The following FRMD4A variants were observed in gnomAD, a reference collection of about 807,000 sequenced individuals.
The protein encoded by FRMD4A is FERM domain containing 4A.
A neutral mutation model predicts 129.1 loss-of-function variants in FRMD4A; 29 were observed. The ratio of observed to expected loss-of-function variants is 0.22; its 90% CI spans 0.17 to 0.31. The LOEUF is 0.31. Among genes scored for constraint, FRMD4A ranks in the 10% least tolerant of loss-of-function variants. The pLI is 1.00. For missense variants in FRMD4A, 1,272 were observed against 1,375.8 expected (o/e 0.92, Z 1.19); for synonymous variants, 634 against 571.6 (o/e 1.11, Z -1.56).
intron 2 of FRMD4A, among the ~76,000 whole-genome samples, chr10:14,056,107 C>T (rs1327196159): frequency 6.6e-6 from 1 of 152,174 alleles, no homozygotes; most frequent in Non-Finnish European, 1.5e-5. Context: ...TCTTGACTTA[C>T]TGCAACCTCC....
intron 2 of FRMD4A, among the ~76,000 whole-genome samples, chr10:13,863,811 C>G (rs2094326583): frequency 6.6e-6 from 1 of 151,510 alleles, no homozygotes; most frequent in South Asian, 2.1e-4. Context: ...AGATGAGTGA[C>G]CCTATTTGGA....
chr10:13,716,071 G>A (rs1423259670), intron 12 of FRMD4A, among the ~76,000 whole-genome samples: 1 of 152,108 alleles, frequency 6.6e-6, no homozygotes, highest in Non-Finnish European at 1.5e-5. Flanking sequence ...CAACTCATAT[G>A]GTGTCATGAG....
At chr10:13,886,788 G>A (rs947997895) in intron 2 of FRMD4A, among the ~76,000 whole-genome samples, 4 of 152,164 alleles carry the variant, frequency 2.6e-5, no homozygotes, top group Non-Finnish European at 1.5e-5. Context: ...CCATGTTGGA[G>A]TGCGGTCTGC....
chr10:13,775,819 G>A (rs993430485), intron 6 of FRMD4A, among the ~76,000 whole-genome samples: 7 of 152,168 alleles, frequency 4.6e-5, no homozygotes, highest in African/African-American at 7.2e-5. Flanking sequence ...ACTACCCGAC[G>A]TAGCTGGAAA....
chr10:13,806,251 A>G (rs1241694583), intron 4 of FRMD4A, among the ~76,000 whole-genome samples: 1 of 152,126 alleles, frequency 6.6e-6, no homozygotes, highest in East Asian at 1.9e-4. Context: ...TGGACTCCCA[A>G]ATTGCTGAAA....
chr10:14,181,975 G>A (rs760969186), intron 2 of FRMD4A, among the ~76,000 whole-genome samples: 10 of 152,232 alleles, frequency 6.6e-5, no homozygotes, highest in Non-Finnish European at 1.2e-4. Flanking sequence ...GATTACAGAC[G>A]TGAGCCACGG....
chr10:14,311,860 G>T (rs997240286), intron 2 of FRMD4A, among the ~76,000 whole-genome samples: 2 of 151,976 alleles, frequency 1.3e-5, no homozygotes, highest in Non-Finnish European at 2.9e-5. Flanking sequence ...CTGGCCTTTT[G>T]TTACTCAAGT....
At chr10:14,321,863 T>A (rs978801953) in intron 2 of FRMD4A, among the ~76,000 whole-genome samples, 1 of 152,090 alleles carries the variant, frequency 6.6e-6, no homozygotes, top group Non-Finnish European at 1.5e-5. Flanking sequence ...GATTGTATCA[T>A]GGGGGCGGAC....
At chr10:14,220,950 A>G (rs1843239348) in intron 2 of FRMD4A, among the ~76,000 whole-genome samples, 1 of 152,116 alleles carries the variant, frequency 6.6e-6, no homozygotes, top group Non-Finnish European at 1.5e-5. Flanking sequence ...ATTGAGGAGC[A>G]GGAACCTGAC....
At chr10:13,887,102 C>T (rs1031043624) in intron 2 of FRMD4A, among the ~76,000 whole-genome samples, 4 of 152,060 alleles carry the variant, frequency 2.6e-5, no homozygotes, top group Non-Finnish European at 4.4e-5. Context: ...GTGTAGAGAT[C>T]GCCCTTCCTA....
chr10:13,866,952 A>C (rs1283609996), intron 2 of FRMD4A, among the ~76,000 whole-genome samples: 1 of 152,216 alleles, frequency 6.6e-6, no homozygotes, highest in Non-Finnish European at 1.5e-5. Context: ...TGTCTCAAAA[A>C]ACAAACAATC....
In FRMD4A at chr10:13,656,700, G is replaced by C; in HGVS notation, c.2889C>G (p.Ser963=). 6.3e-7 allele frequency: 1 copy of C among 1,575,358 alleles called. No homozygotes were observed. The highest frequency in any genetic ancestry group is 8.6e-7 in the Non-Finnish European group (1 of 1,161,366). The change falls in exon 22 of 25, where the codon TCC becomes TCG. Residue 963 remains serine (S), a synonymous_variant. Transcript: ENST00000357447. ...SDSGSQYSTS[S]QSTFVAHSRV... Reference sequence around the variant, plus strand: ...TGCTGTGCGCCACGAAGGTGCTCTGGGAGGAGGTGCTGTACTGCGAGCCGC... The same window carrying C: ...TGCTGTGCGCCACGAAGGTGCTCTGCGAGGAGGTGCTGTACTGCGAGCCGC...
chr10:14,192,690 G>T (rs544442448), intron 2 of FRMD4A, among the ~76,000 whole-genome samples: 2 of 152,210 alleles, frequency 1.3e-5, no homozygotes, highest in Admixed American at 1.3e-4. Flanking sequence ...ATAAGCTCAA[G>T]TACATCAGTG....
At chr10:13,655,927 G>A (rs1006162435) in intron 22 of FRMD4A, 3 of 152,068 alleles carry the variant, frequency 2.0e-5, no homozygotes, top group African/African-American at 4.8e-5. Flanking sequence ...TAACTTAAGG[G>A]AATGAGTGGT....
intron 2 of FRMD4A, among the ~76,000 whole-genome samples, chr10:13,905,435 T>G (rs1157409691): frequency 6.6e-6 from 1 of 152,136 alleles, no homozygotes; most frequent in East Asian, 1.9e-4. Flanking sequence ...TGAAATCAAG[T>G]TCTCAGTAGA....
intron 2 of FRMD4A, among the ~76,000 whole-genome samples, chr10:13,955,630 C>T (rs895457405): frequency 2.0e-5 from 3 of 152,228 alleles, no homozygotes; most frequent in Non-Finnish European, 4.4e-5. Context: ...ACAGTTCCCT[C>T]CTTAATGAAA....
intron 2 of FRMD4A, among the ~76,000 whole-genome samples, chr10:14,048,919 T>C (rs1435343646): frequency 6.6e-6 from 1 of 151,568 alleles, no homozygotes; most frequent in East Asian, 1.9e-4. Context: ...AAATGAAATA[T>C]GGTGGGAGTA....
At position 13,983,725 on chromosome 10, in the gene FRMD4A, C is replaced by T. The variant is rs1400957848; in HGVS notation, c.46-124813G>A. ...GTTTCTTAATAAACTGGGGGCCGGGCGCGGTGGCTCATGCCTGTAATCCCA... is the reference window on the plus strand; with the variant it reads ...GTTTCTTAATAAACTGGGGGCCGGGTGCGGTGGCTCATGCCTGTAATCCCA... On this transcript the variant is annotated intron_variant, in intron 2 of 24. Coordinates refer to ENST00000357447, the MANE Select transcript of FRMD4A (RefSeq NM_018027.5). Among the ~76,000 whole-genome samples, 3 of 151,926 alleles carry T rather than the reference C, an allele frequency of 2.0e-5. No individual in the cohort carries two copies. In the East Asian group the frequency reaches 5.8e-4, roughly 29 times the overall value.
chr10:13,647,306 C>G (rs139253978), intron 24 of FRMD4A: 1 of 152,174 alleles, frequency 6.6e-6, no homozygotes, highest in Non-Finnish European at 1.5e-5. Flanking sequence ...GGTTCTTCAG[C>G]GTGGCTGCAT....
Sources: allele counts gnomAD v4.1 joint callset (sites outside exome capture counted in the v4.1 genomes callset), GRCh38; gene constraint gnomAD v4.1.1; transcripts MANE v1.5; gene names NCBI Gene and HGNC (gene_info 2026-07-23, HGNC 2026-07-21).